Variants in ASRGL1 observed in about 807,000 individuals in gnomAD.
The protein encoded by ASRGL1 is isoaspartyl peptidase/L-asparaginase.
A neutral mutation model predicts 22.4 loss-of-function variants in ASRGL1; 16 were observed. The ratio of observed to expected loss-of-function variants is 0.71; its 90% confidence interval spans 0.48 to 1.08. The LOEUF (loss-of-function observed/expected upper bound fraction) is 1.08, where lower values mean the gene tolerates loss of function less well. ASRGL1 is among the 50% of genes least tolerant of loss of function. The probability of loss-of-function intolerance (pLI) is 0.00; values close to 1 mark genes in which losing one functional copy is unlikely to be tolerated. For missense variants in ASRGL1, 412 were observed against 410.1 expected (o/e 1.00, Z -0.04); for synonymous variants, 165 against 159.3 (o/e 1.04, Z -0.27).
rs1284101040 is a variant in ASRGL1 at position 62,377,705 on chromosome 11, G to A, written c.492-11428G>A. On this transcript the variant is annotated intron_variant, in intron 4 of 6. Transcript: ENST00000415229. The stretch of plus-strand genomic sequence containing the variant: ...CATGCACCAGAATTGATAAAGGCTT[G>A]TCTAACTCGTTCCTTGTTTAAAGGA... Among the ~76,000 whole-genome samples the A allele has an allele frequency of 2.0e-5, 3 of 152,162 alleles. No individual in the cohort carries two copies. The East Asian group carries it at 5.8e-4, about 29-fold the overall frequency.
At chr11:62,388,962 G>GT (rs1274997333) in intron 4 of ASRGL1, among the ~76,000 whole-genome samples, 171 bp from the exon 5 acceptor site, 2 of 152,176 alleles carry the variant, frequency 1.3e-5, no homozygotes, top group African/African-American at 4.8e-5. Flanking sequence ...CAATCCACCT[G>GT]TAACTTACAC....
intron 4 of ASRGL1, chr11:62,371,680 T>C (rs1170809943): frequency 4.9e-6 from 3 of 606,658 alleles, no homozygotes; most frequent in Non-Finnish European, 9.7e-6. Flanking sequence ...AGGCCAGGAG[T>C]GGTGGCTCAG....
intron 2 of ASRGL1, among the ~76,000 whole-genome samples, chr11:62,340,223 C>G (rs1178744477): frequency 6.6e-6 from 1 of 152,182 alleles, no homozygotes; most frequent in Non-Finnish European, 1.5e-5. Flanking sequence ...TGAGCCAAGA[C>G]TGCGCCACTG....
chr11:62,384,012 A>ATGTGTGTGTGTGTGCATG (rs199693523), intron 4 of ASRGL1, among the ~76,000 whole-genome samples: 2 of 150,640 alleles, frequency 1.3e-5, no homozygotes, highest in Non-Finnish European at 3.0e-5. Context: ...GTGTGTGTGC[A>ATGTGTGTGTGTGTGCATG]TGTGTGTGTG....
At chr11:62,349,157 C>T (rs138510763) in intron 2 of ASRGL1, among the ~76,000 whole-genome samples, 6,402 of 152,058 alleles carry the variant, frequency 0.042, 477 homozygotes, top group African/African-American at 0.15. Context: ...TTAGTAGAGA[C>T]GGGGTTTCAC....
chr11:62,393,391 A>G lies in ASRGL1; in HGVS notation c.*1107A>G, dbSNP rs914523752. ...TTAACTTGACATTCCATGTGCCGCT[A>G]ATAAAATATATTTTGAAAGAATAAG... is the stretch of plus-strand genomic sequence containing the variant. On this transcript the variant is annotated 3_prime_UTR_variant, in exon 7 of 7. Transcript: ENST00000415229. 1.3e-5 allele frequency: 2 copies of G among 152,192 alleles called. No homozygotes were observed. Among genetic ancestry groups the G allele is most frequent in the Admixed American group, 6.5e-5 (1 of 15,276 alleles). The allele number at this position is 152,192 out of a possible 1,614,324, so 9.4% of individuals were successfully genotyped here. A position where few individuals can be genotyped will look rare whatever the true frequency, so the allele number is the denominator to read the frequency against.
intron 4 of ASRGL1, chr11:62,373,192 T>C (rs1404809120): frequency 4.0e-6 from 4 of 1,007,908 alleles, no homozygotes; most frequent in Admixed American, 1.7e-5. Context: ...CAGAGACTCC[T>C]CCGACTCCAC....
At chr11:62,358,568 A>C (rs141876454) in intron 4 of ASRGL1, among the ~76,000 whole-genome samples, 2,128 of 152,238 alleles carry the variant, frequency 0.014, 60 homozygotes, top group African/African-American at 0.048. Context: ...GCTGCTTTAC[A>C]CGTAAGCAAG....
chr11:62,374,146 C>G (rs1422164744), intron 4 of ASRGL1, among the ~76,000 whole-genome samples: 1 of 152,144 alleles, frequency 6.6e-6, no homozygotes, highest in Non-Finnish European at 1.5e-5. Context: ...TGCTGAGACT[C>G]GGGGTACCGT....
intron 4 of ASRGL1, among the ~76,000 whole-genome samples, chr11:62,375,743 A>T (rs375067826): frequency 6.6e-6 from 1 of 151,778 alleles, no homozygotes; most frequent in Non-Finnish European, 1.5e-5. Context: ...GGAAAGCCAC[A>T]TAGGCCCAGT....
At chr11:62,362,813 T>TACACACACACACACACACACACACAC (rs57501048) in intron 4 of ASRGL1, among the ~76,000 whole-genome samples, 2 of 83,858 alleles carry the variant, frequency 2.4e-5, no homozygotes, top group African/African-American at 4.5e-5. Context: ...TTATCTGACA[T>TACACACACACACACACACACACACAC]ACACACACAC....
chr11:62,358,212 T>C (rs1946348827), intron 4 of ASRGL1, among the ~76,000 whole-genome samples: 1 of 151,758 alleles, frequency 6.6e-6, no homozygotes, highest in Non-Finnish European at 1.5e-5. Context: ...CTACTAAAGA[T>C]ACAAAAAATT....
chr11:62,363,506 A>G (rs999546513), intron 4 of ASRGL1, among the ~76,000 whole-genome samples: 1 of 152,238 alleles, frequency 6.6e-6, no homozygotes, highest in Admixed American at 6.5e-5. Flanking sequence ...TTCAGAATAT[A>G]CCAGCATCAA....
intron 4 of ASRGL1, among the ~76,000 whole-genome samples, chr11:62,383,555 ATC>A (rs1947125201): frequency 7.7e-6 from 1 of 129,718 alleles, no homozygotes; most frequent in Non-Finnish European, 1.6e-5. Context: ...GTGAGCCGAG[ATC>A]CCGCCACTGC....
intron 4 of ASRGL1, among the ~76,000 whole-genome samples, chr11:62,359,103 A>G (rs1335325448): frequency 6.6e-6 from 1 of 152,192 alleles, no homozygotes; most frequent in Admixed American, 6.5e-5. Context: ...GAAGTTGCAC[A>G]TGGGGACTGT....
intron 4 of ASRGL1, among the ~76,000 whole-genome samples, chr11:62,380,895 A>C (rs1424232075): frequency 6.6e-6 from 1 of 152,092 alleles, no homozygotes; most frequent in East Asian, 1.9e-4. Context: ...TTGCCTTATC[A>C]ATAATTTTAT....
intron 4 of ASRGL1, among the ~76,000 whole-genome samples, chr11:62,368,604 G>A (rs540356451): frequency 7.9e-5 from 12 of 152,216 alleles, no homozygotes; most frequent in African/African-American, 2.9e-4. Context: ...GGGCCCAGGG[G>A]ACCGGCGCTC....
At chr11:62,338,932 C>CAAAAAA (rs576869521) in intron 2 of ASRGL1, among the ~76,000 whole-genome samples, 51,336 of 101,112 alleles carry the variant, frequency 0.51, 13,981 homozygotes, top group East Asian at 0.63. Flanking sequence ...GAGACTATCT[C>CAAAAAA]AAAAAAAAAA....
At position 62,356,348 on chromosome 11, in the gene ASRGL1, A is replaced by C; in HGVS notation, c.214A>C (p.Asn72His). ...AGGTTGTGGGTCTGTCTTGAACACAAATGGTGAGGTTGAAATGGATGCTAG... is the reference window on the plus strand; with the variant it reads ...AGGTTGTGGGTCTGTCTTGAACACACATGGTGAGGTTGAAATGGATGCTAG... Reference protein sequence around the residue: ...NAGCGSVLNTNGEVEMDASIM... With the variant: ...NAGCGSVLNTHGEVEMDASIM... The change falls in exon 3 of 7, where the codon AAT becomes CAT. Residue 72 changes from asparagine (N) to histidine (H), a missense_variant. Asn to His is a moderately conservative substitution (Grantham distance 68, BLOSUM62 1). Coordinates refer to ENST00000415229, the MANE Select transcript of ASRGL1 (RefSeq NM_001083926.2). 6.2e-7 allele frequency: 1 copy of C among 1,614,146 alleles called. No individual in the cohort carries two copies. Among genetic ancestry groups the C allele is most frequent in the Non-Finnish European group, 8.5e-7 (1 of 1,180,014 alleles).
Sources: gnomAD v4.1 joint callset for allele counts (sites outside exome capture counted in the v4.1 genomes callset) on GRCh38, gnomAD v4.1.1 for gene constraint, MANE v1.5 for transcripts, NCBI Gene and HGNC (gene_info 2026-07-23, HGNC 2026-07-21) for gene names.